SAMD5: variants seen among roughly 807,000 people sequenced by gnomAD.
SAMD5 encodes the protein sterile alpha motif domain containing 5.
Under a neutral mutation model 11.3 loss-of-function variants are expected in SAMD5, and 13 were observed. The ratio of observed to expected loss-of-function variants is 1.15; its 90% CI spans 0.75 to 1.83. SAMD5 has a LOEUF of 1.83. SAMD5 is among the 40% of genes most tolerant of loss of function. The pLI, the probability that SAMD5 is intolerant of heterozygous loss-of-function variation, is 0.00. For missense variants in SAMD5, 255 were observed against 239.1 expected, an observed-to-expected ratio of 1.07 and a Z score of -0.44; for synonymous variants, 129 against 111.3, an observed-to-expected ratio of 1.16 and a Z score of -1.00.
At chr6:147,806,115 T>G in the SAMD5 span, among the ~76,000 whole-genome samples, 42 of 152,130 alleles carry the variant, frequency 2.8e-4, 1 homozygote, top group African/African-American at 9.9e-4. Context: ...TGGAGCCCTA[T>G]CCACAAGAAA....
At chr6:147,908,620 A>AT in the SAMD5 span, among the ~76,000 whole-genome samples, 1 of 152,188 alleles carries the variant, frequency 6.6e-6, no homozygotes. Context: ...GAGAACAACT[A>AT]TATGTTGCAT....
chr6:147,640,713 A>C (rs2128452327), intron 1 of SAMD5, among the ~76,000 whole-genome samples: 1 of 152,230 alleles, frequency 6.6e-6, no homozygotes, highest in East Asian at 1.9e-4. Flanking sequence ...ATCATTATTA[A>C]AATAAATAAA....
At chr6:147,786,442 GA>G in the SAMD5 span, among the ~76,000 whole-genome samples, 1 of 152,122 alleles carries the variant, frequency 6.6e-6, no homozygotes, top group African/African-American at 2.4e-5. Flanking sequence ...TTTGTGAGGC[GA>G]ATATAAGCTC....
chr6:147,801,894 C>T, the SAMD5 span, among the ~76,000 whole-genome samples: 4 of 152,266 alleles, frequency 2.6e-5, no homozygotes, highest in African/African-American at 9.6e-5. Context: ...CCCTATTTCA[C>T]ACTGTATGAC....
At chr6:147,592,867 T>C (rs181534287) in intron 1 of SAMD5, among the ~76,000 whole-genome samples, 40 of 152,310 alleles carry the variant, frequency 2.6e-4, no homozygotes, top group Non-Finnish European at 5.3e-4. Context: ...TTACACTATA[T>C]TCAGGATCCA....
chr6:147,599,619 AT>A (rs1366434408), intron 1 of SAMD5, among the ~76,000 whole-genome samples: 2 of 152,184 alleles, frequency 1.3e-5, no homozygotes, highest in African/African-American at 4.8e-5. Flanking sequence ...AGGCCTCAGC[AT>A]TCGACTTGGA....
intron 1 of SAMD5, chr6:147,675,962 C>G (rs765197701): frequency 3.3e-5 from 5 of 152,186 alleles, no homozygotes; most frequent in Non-Finnish European, 7.3e-5. Flanking sequence ...GCTTAAGTTT[C>G]AATATATCAA....
the SAMD5 span, among the ~76,000 whole-genome samples, chr6:147,869,715 T>G: frequency 6.6e-6 from 1 of 152,142 alleles, no homozygotes; most frequent in African/African-American, 2.4e-5. Flanking sequence ...TATTATTACT[T>G]TGATACAGGG....
At position 147,697,439 on chromosome 6, in the gene SAMD5, A is replaced by G. The variant is rs1370920313; in HGVS notation, c.163-39878A>G. On this transcript the variant is annotated intron_variant, in intron 1 of 1. Coordinates refer to the SAMD5 transcript ENST00000566741. The stretch of plus-strand genomic sequence containing the variant: ...TGCATGATTACAGAAAACATGGGGT[A>G]TGTAGGCTAGTAACACATAACAAAA... Among the ~76,000 whole-genome samples the G allele has an allele frequency of 2.0e-5, 3 of 152,206 alleles. No homozygotes were observed. In the East Asian group the frequency reaches 5.8e-4, roughly 29 times the overall value.
the SAMD5 span, among the ~76,000 whole-genome samples, chr6:147,902,252 A>G: frequency 6.6e-6 from 1 of 152,180 alleles, no homozygotes; most frequent in Admixed American, 6.6e-5. Flanking sequence ...GTTGCATTCA[A>G]AAATGCTATG....
the SAMD5 span, among the ~76,000 whole-genome samples, chr6:147,853,255 GAC>G: frequency 6.6e-6 from 1 of 152,094 alleles, no homozygotes; most frequent in Admixed American, 6.6e-5. Context: ...TTGGGTGCCT[GAC>G]ACAGGAACTC....
intron 1 of SAMD5, among the ~76,000 whole-genome samples, chr6:147,596,395 T>G (rs1327160453): frequency 3.3e-5 from 5 of 152,250 alleles, no homozygotes. Flanking sequence ...AAAGTAATTT[T>G]CAGTTGCATA....
intron 1 of SAMD5, among the ~76,000 whole-genome samples, chr6:147,691,839 A>G (rs1444450101): frequency 6.7e-6 from 1 of 149,434 alleles, no homozygotes; most frequent in Non-Finnish European, 1.5e-5. Context: ...TTCTTTGCAG[A>G]TATTTAAGTA....
In SAMD5 at chr6:147,509,129, C is replaced by T; in HGVS notation, c.201C>T (p.Ala67=). 1 of 1,563,006 alleles carries T rather than the reference C, an allele frequency of 6.4e-7. No individual in the cohort carries two copies. The highest frequency in any genetic ancestry group is 1.2e-5 in the South Asian group (1 of 86,128). The part of the protein sequence containing the change: ...EAVRRLREQD[A]NAAGLYFTLE... ...TGCGCCGGCTGCGGGAGCAGGACGC[C>T]AACGCCGCCGGCCTCTACTTCACGC... The change falls in exon 1 of 2, where the codon GCC becomes GCT. Residue 67 remains alanine, a synonymous_variant. Coordinates refer to ENST00000367474, the MANE Select transcript of SAMD5 (RefSeq NM_001030060.3).
At chr6:147,663,511 G>A (rs12529826) in intron 1 of SAMD5, among the ~76,000 whole-genome samples, 5 of 152,052 alleles carry the variant, frequency 3.3e-5, no homozygotes, top group Non-Finnish European at 5.9e-5. Context: ...GCCAGGTGTG[G>A]TGGCTCAAGT....
At chr6:147,722,682 C>G (rs917983685) in intron 1 of SAMD5, among the ~76,000 whole-genome samples, 1 of 152,146 alleles carries the variant, frequency 6.6e-6, no homozygotes, top group African/African-American at 2.4e-5. Flanking sequence ...TTAATGAAGA[C>G]AAAGGCTTGT....
At chr6:147,856,142 A>G in the SAMD5 span, among the ~76,000 whole-genome samples, 2 of 152,210 alleles carry the variant, frequency 1.3e-5, no homozygotes, top group Non-Finnish European at 1.5e-5. Context: ...TGAACTCAAC[A>G]TAATTATGGT....
chr6:147,609,894 T>C (rs1162247033), intron 1 of SAMD5, among the ~76,000 whole-genome samples: 1 of 152,160 alleles, frequency 6.6e-6, no homozygotes, highest in Non-Finnish European at 1.5e-5. Flanking sequence ...AAAATACTTG[T>C]CCTATGTAAG....
the SAMD5 span, among the ~76,000 whole-genome samples, chr6:147,747,814 C>T: frequency 8.5e-5 from 13 of 152,246 alleles, no homozygotes; most frequent in East Asian, 1.3e-3. Flanking sequence ...ATAGCTGCTG[C>T]GTTGGTTGTC....
Sources: allele counts gnomAD v4.1 joint callset (sites outside exome capture counted in the v4.1 genomes callset), GRCh38; gene constraint gnomAD v4.1.1; transcripts MANE v1.5; gene names NCBI Gene and HGNC (gene_info 2026-07-23, HGNC 2026-07-21).